Variants in EXOC4 observed in about 807,000 individuals in gnomAD.
EXOC4 encodes exocyst complex component 4, also known as SEC8-like 1.
In EXOC4, 71 loss-of-function variants were observed where a neutral mutation model predicts 107.2. That is an observed-to-expected ratio of 0.66 (90% CI 0.55 to 0.81). EXOC4 has a LOEUF of 0.81. Ranked by LOEUF, EXOC4 falls within the 30% of genes least tolerant of loss-of-function variation. The pLI is 0.00. For synonymous variants in EXOC4, 456 were observed against 441.2 expected, an observed-to-expected ratio of 1.03 and a Z score of -0.42; for missense variants, 1,108 against 1,189.6, an observed-to-expected ratio of 0.93 and a Z score of 1.01.
At chr7:133,698,255 T>C (rs1297376401) in intron 10 of EXOC4, among the ~76,000 whole-genome samples, 1 of 151,936 alleles carries the variant, frequency 6.6e-6, no homozygotes, top group Non-Finnish European at 1.5e-5. Flanking sequence ...TAAAAAACAT[T>C]GTGTATAGTT....
intron 11 of EXOC4, among the ~76,000 whole-genome samples, chr7:133,826,783 AC>A (rs1163211520): frequency 6.6e-6 from 1 of 152,216 alleles, no homozygotes; most frequent in Non-Finnish European, 1.5e-5. Flanking sequence ...CAGTATAAGA[AC>A]CTGGCAATAT....
At chr7:134,073,302 A>G in the EXOC4 span, among the ~76,000 whole-genome samples, 1 of 151,390 alleles carries the variant, frequency 6.6e-6, no homozygotes, top group East Asian at 1.9e-4. Context: ...TGGACACCTA[A>G]AGGCCCCCAG....
intron 7 of EXOC4, among the ~76,000 whole-genome samples, chr7:133,417,344 C>T (rs1452635730): frequency 1.3e-5 from 2 of 152,118 alleles, no homozygotes; most frequent in Non-Finnish European, 2.9e-5. Context: ...TAGGGAGTTT[C>T]CTAACAAGGG....
intron 7 of EXOC4, among the ~76,000 whole-genome samples, chr7:133,438,833 T>C (rs1273438746): frequency 6.6e-6 from 1 of 152,206 alleles, no homozygotes. Flanking sequence ...GATCTTGCAG[T>C]GCTTATAGTA....
At chr7:133,381,274 A>C (rs1796613233) in intron 7 of EXOC4, among the ~76,000 whole-genome samples, 1 of 152,030 alleles carries the variant, frequency 6.6e-6, no homozygotes, top group Non-Finnish European at 1.5e-5. Context: ...GTATTAAGCT[A>C]TATACCCATC....
intron 5 of EXOC4, among the ~76,000 whole-genome samples, chr7:133,354,207 G>C (rs1795974307): frequency 6.6e-6 from 1 of 151,250 alleles, no homozygotes; most frequent in African/African-American, 2.4e-5. Flanking sequence ...TCTATGCTTT[G>C]TGATTTTTTG....
At chr7:133,820,969 G>A (rs1399989441) in intron 11 of EXOC4, among the ~76,000 whole-genome samples, 4 of 152,198 alleles carry the variant, frequency 2.6e-5, no homozygotes, top group Non-Finnish European at 5.9e-5. Context: ...CTAGGCACAG[G>A]TTCCATAGGA....
chr7:133,591,204 A>C (rs1307041453), intron 9 of EXOC4, among the ~76,000 whole-genome samples: 1 of 134,858 alleles, frequency 7.4e-6, no homozygotes, highest in African/African-American at 2.7e-5. Context: ...CTAATTTTTA[A>C]AATTTTTTTT....
At chr7:133,809,153 C>G in intron 10 of EXOC4, among the ~76,000 whole-genome samples, 1 of 152,124 alleles carries the variant, frequency 6.6e-6, no homozygotes, top group East Asian at 1.9e-4. Flanking sequence ...TTACATAAAA[C>G]CAAAACTCAA....
intron 10 of EXOC4, among the ~76,000 whole-genome samples, chr7:133,644,519 A>G (rs1802939777): frequency 6.6e-6 from 1 of 152,230 alleles, no homozygotes. Flanking sequence ...TTTGCAAAAT[A>G]TGTGAAAATA....
At chr7:133,658,367 T>A (rs1803351781) in intron 10 of EXOC4, among the ~76,000 whole-genome samples, 1 of 152,120 alleles carries the variant, frequency 6.6e-6, no homozygotes, top group Non-Finnish European at 1.5e-5. Flanking sequence ...CCTTTAAGGA[T>A]CCCAGCAGGT....
chr7:133,965,464 C>G (rs573310546), intron 14 of EXOC4, among the ~76,000 whole-genome samples: 1 of 152,236 alleles, frequency 6.6e-6, no homozygotes, highest in Admixed American at 6.5e-5. Context: ...GCTTTTAGGG[C>G]TTACATTTAA....
At chr7:133,991,304 T>C (rs534193567) in intron 14 of EXOC4, among the ~76,000 whole-genome samples, 182 of 152,278 alleles carry the variant, frequency 1.2e-3, no homozygotes, top group African/African-American at 3.8e-3. Context: ...TGTTTTTTGT[T>C]TTTGCTATTG....
At chr7:133,936,732 T>C (rs1056127079) in intron 13 of EXOC4, among the ~76,000 whole-genome samples, 1 of 152,200 alleles carries the variant, frequency 6.6e-6, no homozygotes, top group Non-Finnish European at 1.5e-5. Context: ...CGATCTCGGC[T>C]CACTGCAACC....
At chr7:133,470,748 T>C (rs535214958) in intron 7 of EXOC4, among the ~76,000 whole-genome samples, 112 of 152,292 alleles carry the variant, frequency 7.4e-4, no homozygotes, top group African/African-American at 2.5e-3. Context: ...TATGAAGGAA[T>C]TGAGAGCCAA....
chr7:134,071,951 C>T, the EXOC4 span, among the ~76,000 whole-genome samples: 257 of 152,284 alleles, frequency 1.7e-3, no homozygotes, highest in Middle Eastern at 0.01. Context: ...CTCCTGTAAC[C>T]TCCAGCAGGA....
At chr7:133,311,102 T>C (rs1794860993) in intron 4 of EXOC4, among the ~76,000 whole-genome samples, 1 of 152,126 alleles carries the variant, frequency 6.6e-6, no homozygotes, top group South Asian at 2.1e-4. Context: ...AACAAATAAA[T>C]GGTGAGACTG....
the EXOC4 span, among the ~76,000 whole-genome samples, chr7:134,097,787 TA>T: frequency 6.6e-6 from 1 of 152,164 alleles, no homozygotes; most frequent in Non-Finnish European, 1.5e-5. Context: ...ACTAAGGTGT[TA>T]CAGCTCTGGT....
In EXOC4 at chr7:133,674,054, C is replaced by A. The variant is rs571108324; in HGVS notation, c.1514+43913C>A. The stretch of plus-strand genomic sequence containing the variant: ...TTCAAGGAAGGCAAGGAATTTGTGT[C>A]ACTCTCAAACTCTCCAGATTTTAAA... On this transcript the variant is annotated intron_variant, in intron 10 of 17. Transcript: ENST00000253861. 1.3e-3 allele frequency among the ~76,000 whole-genome samples: 199 copies of A among 152,288 alleles called. 1 individual carries two copies. Among genetic ancestry groups the A allele is most frequent in the African/African-American group, 4.5e-3 (185 of 41,566 alleles).
Sources: allele counts gnomAD v4.1 joint callset (sites outside exome capture counted in the v4.1 genomes callset), GRCh38; gene constraint gnomAD v4.1.1; transcripts MANE v1.5; gene names NCBI Gene and HGNC (gene_info 2026-07-23, HGNC 2026-07-21).